The following GASK1A variants were observed in gnomAD, a reference collection of about 807,000 sequenced individuals.
GASK1A encodes golgi associated kinase 1A, also known as Golgi-associated kinase 1A.
In GASK1A, 40 loss-of-function variants were observed where a neutral mutation model predicts 41.2. The ratio of observed to expected loss-of-function variants is 0.97; its 90% confidence interval spans 0.75 to 1.27. The LOEUF is 1.27. Ranked by LOEUF, GASK1A falls within the 50% of genes most tolerant of loss-of-function variation. The pLI is 0.00. For synonymous variants in GASK1A, 316 were observed against 307.1 expected, an observed-to-expected ratio of 1.03 and a Z score of -0.30; for missense variants, 678 against 745.1, an observed-to-expected ratio of 0.91 and a Z score of 1.05.
rs760712291 is a variant in GASK1A, at chr3:43,032,838, C to T, written c.575C>T (p.Thr192Ile). Residue 192 changes from threonine (T) to isoleucine (I), a missense_variant, in exon 2 of 5, where the codon ACA becomes ATA. Physicochemically the swap from Thr to Ile is moderately conservative, Grantham distance 89. Transcript: ENST00000430121. ...LPAWRATSGLTLWPHTAEGRD... is the reference protein window; with the variant it reads ...LPAWRATSGLILWPHTAEGRD... ...GCTTGGAGAGCTACTTCTGGGCTGA[C>T]ACTCTGGCCCCATACAGCAGAAGGC... 24 of 1,548,534 alleles carry T rather than the reference C, an allele frequency of 1.5e-5. No individual in the cohort carries two copies. The highest frequency in any genetic ancestry group is 9.5e-5 in the South Asian group (8 of 84,068).
intron 2 of GASK1A, among the ~76,000 whole-genome samples, chr3:43,035,370 G>A (rs1239367023): frequency 6.6e-6 from 1 of 152,166 alleles, no homozygotes; most frequent in Admixed American, 6.5e-5. Flanking sequence ...CAGATCATAG[G>A]ACTTTCAGTG....
chr3:43,044,589 A>C (rs933665111), intron 2 of GASK1A, among the ~76,000 whole-genome samples: 1 of 152,216 alleles, frequency 6.6e-6, no homozygotes, highest in Admixed American at 6.5e-5. Flanking sequence ...CTCAATTCGC[A>C]TAGCCAGGAC....
chr3:43,032,972 C>A lies in GASK1A; in HGVS notation c.709C>A (p.Gln237Lys). The A allele has an allele frequency of 6.4e-7, 1 of 1,550,872 alleles. No homozygotes were observed. Among genetic ancestry groups the A allele is most frequent in the Non-Finnish European group, 8.7e-7 (1 of 1,146,488 alleles). Residue 237 changes from glutamine to lysine, a missense_variant, in exon 2 of 5, where the codon CAA (glutamine) becomes AAA (lysine). Physicochemically the swap from Gln to Lys is moderately conservative, Grantham distance 53. Transcript: ENST00000430121. ...HQWPGSVEKL[Q>K]GSVWCDAETL... ...GTGGCCTGGCTCTGTTGAGAAGCTG[C>A]AAGGGTCAGTATGGTGTGATGCTGA...
chr3:42,994,094 C>T (rs2089356799), intron 1 of GASK1A, among the ~76,000 whole-genome samples: 1 of 152,208 alleles, frequency 6.6e-6, no homozygotes. Flanking sequence ...ACTCAATCAA[C>T]CTGAAAATTC....
chr3:43,014,559 G>A (rs917119366), intron 1 of GASK1A, among the ~76,000 whole-genome samples: 2 of 152,176 alleles, frequency 1.3e-5, no homozygotes, highest in Non-Finnish European at 2.9e-5. Context: ...GTGGCTGTGG[G>A]AAGTTGCAGG....
At chr3:43,042,330 A>C (rs2089642085) in intron 2 of GASK1A, among the ~76,000 whole-genome samples, 1 of 148,880 alleles carries the variant, frequency 6.7e-6, no homozygotes, top group South Asian at 2.1e-4. Context: ...AAAAAAATTA[A>C]AACTTAGCCA....
At chr3:42,996,408 T>C (rs2089369665) in intron 1 of GASK1A, among the ~76,000 whole-genome samples, 1 of 152,238 alleles carries the variant, frequency 6.6e-6, no homozygotes, top group Non-Finnish European at 1.5e-5. Flanking sequence ...ATCAGAATGT[T>C]ACCACCATAA....
At chr3:43,037,526 A>C in intron 2 of GASK1A, 1 of 400,026 alleles carries the variant, frequency 2.5e-6, no homozygotes, top group Admixed American at 3.9e-5. Flanking sequence ...AAGAACCTGC[A>C]GTTATGTACA....
rs1383616743 is a variant in GASK1A, at chr3:43,004,699, C to T, written c.3+25054C>T. ...ATCTCCAGTACAGACACATTATTCTCATCCATCCATTCCCCCAATATAATT... is the reference window on the plus strand; with the variant it reads ...ATCTCCAGTACAGACACATTATTCTTATCCATCCATTCCCCCAATATAATT... On this transcript the variant is annotated intron_variant, in intron 1 of 4. Coordinates refer to ENST00000430121, the MANE Select transcript of GASK1A (RefSeq NM_001129908.3). 2.0e-5 allele frequency among the ~76,000 whole-genome samples: 3 copies of T among 152,326 alleles called. 1 individual carries two copies. In the South Asian group the frequency reaches 6.2e-4, roughly 32 times the overall value.
At chr3:43,049,176 A>G (rs1234950685) in intron 2 of GASK1A, among the ~76,000 whole-genome samples, 1 of 152,192 alleles carries the variant, frequency 6.6e-6, no homozygotes, top group African/African-American at 2.4e-5. Context: ...CAGGAAAACC[A>G]GGAACTCTAA....
At chr3:42,985,520 C>G (rs1338489436) in intron 1 of GASK1A, among the ~76,000 whole-genome samples, 2 of 150,654 alleles carry the variant, frequency 1.3e-5, no homozygotes, top group Admixed American at 1.3e-4. Context: ...GAGGAGTACA[C>G]AGTTTATTGA....
chr3:43,042,468 C>A (rs531984829), intron 2 of GASK1A, among the ~76,000 whole-genome samples: 1 of 152,186 alleles, frequency 6.6e-6, no homozygotes, highest in South Asian at 2.1e-4. Context: ...GGCGACAGAG[C>A]CAGACCCTGT....
At chr3:42,997,502 G>A (rs2089383200) in intron 1 of GASK1A, among the ~76,000 whole-genome samples, 1 of 151,698 alleles carries the variant, frequency 6.6e-6, no homozygotes, top group Non-Finnish European at 1.5e-5. Flanking sequence ...AACAACACAT[G>A]CCCATTCTTT....
chr3:43,032,734 C>T lies in GASK1A; in HGVS notation c.471C>T (p.Gly157=), dbSNP rs1266484597. 1.9e-6 allele frequency: 3 copies of T among 1,551,322 alleles called. No individual in the cohort carries two copies. Among genetic ancestry groups the T allele is most frequent in the Admixed American group, 3.9e-5 (2 of 50,980 alleles). ...GTKDLGHPQH[G]SPIQETQSEV... is the part of the protein sequence containing the mutation. ...AAGACCTGGGCCACCCCCAGCATGG[C>T]AGTCCCATCCAGGAGACACAGAGTG... The change falls in exon 2 of 5, where the codon GGC becomes GGT. Residue 157 remains glycine (G), a synonymous_variant. Transcript: ENST00000430121.
chr3:43,020,240 C>A (rs147913355), intron 1 of GASK1A, among the ~76,000 whole-genome samples: 103 of 152,302 alleles, frequency 6.8e-4, no homozygotes, highest in Non-Finnish European at 1.2e-3. Context: ...TATTACAGTA[C>A]GAACTGTAAA....
intron 1 of GASK1A, among the ~76,000 whole-genome samples, chr3:43,017,910 G>GGTGGGAAGTCACGGGAAGAAGTA (rs1280082270): frequency 5.9e-5 from 9 of 152,110 alleles, no homozygotes; most frequent in South Asian, 2.1e-4. Context: ...GCCACAGGAA[G>GGTGGGAAGTCACGGGAAGAAGTA]GTGGGAAGTC....
intron 3 of GASK1A, among the ~76,000 whole-genome samples, chr3:43,054,845 A>G (rs1344992163): frequency 1.3e-5 from 2 of 152,220 alleles, no homozygotes; most frequent in African/African-American, 4.8e-5. Flanking sequence ...AGGATAAAGG[A>G]TATGTCTGTG....
chr3:42,993,305 A>G (rs1010360935), intron 1 of GASK1A, among the ~76,000 whole-genome samples: 4 of 152,264 alleles, frequency 2.6e-5, no homozygotes, highest in Non-Finnish European at 5.9e-5. Flanking sequence ...TTTGTCACCA[A>G]GAGAAGTCAC....
At chr3:43,027,679 T>A (rs2089552835) in intron 1 of GASK1A, among the ~76,000 whole-genome samples, 1 of 152,038 alleles carries the variant, frequency 6.6e-6, no homozygotes, top group Non-Finnish European at 1.5e-5. Flanking sequence ...AGGTAATAAT[T>A]AGGACCCAAA....
Sources: gnomAD v4.1 joint callset for allele counts (sites outside exome capture counted in the v4.1 genomes callset) on GRCh38, gnomAD v4.1.1 for gene constraint, MANE v1.5 for transcripts, NCBI Gene and HGNC (gene_info 2026-07-23, HGNC 2026-07-21) for gene names.